NEDD4L: variants seen among roughly 807,000 people sequenced by gnomAD.
NEDD4L encodes the protein NEDD4 like E3 ubiquitin protein ligase.
In NEDD4L, 54 loss-of-function variants were observed where a neutral mutation model predicts 148.9. That is an observed-to-expected ratio of 0.36 (90% CI 0.29 to 0.45). The LOEUF is 0.45. NEDD4L is among the 20% of genes least tolerant of loss of function. The pLI, the probability that NEDD4L is intolerant of heterozygous loss-of-function variation, is 1.00. For synonymous variants in NEDD4L, 433 were observed against 440.7 expected, an observed-to-expected ratio of 0.98 and a Z score of 0.22; for missense variants, 856 against 1,233.8, an observed-to-expected ratio of 0.69 and a Z score of 4.59.
At chr18:58,199,271 C>T (rs534177300) in intron 2 of NEDD4L, among the ~76,000 whole-genome samples, 7 of 152,186 alleles carry the variant, frequency 4.6e-5, no homozygotes, top group South Asian at 2.1e-4. Context: ...TGCTTAAAGC[C>T]GGTGGTTCTC....
chr18:58,070,642 T>A (rs1420867195), intron 1 of NEDD4L, among the ~76,000 whole-genome samples: 1 of 152,076 alleles, frequency 6.6e-6, no homozygotes, highest in Non-Finnish European at 1.5e-5. Context: ...CAAGGAAGAC[T>A]AAGGTAGAAT....
At chr18:58,230,488 A>G (rs292445) in intron 2 of NEDD4L, among the ~76,000 whole-genome samples, 43,152 of 151,044 alleles carry the variant, frequency 0.29, 6,253 homozygotes, top group Middle Eastern at 0.36. Flanking sequence ...CACTATGTGA[A>G]ATGACCCTGT....
At chr18:58,377,073 C>T (rs1172472960) in intron 24 of NEDD4L, among the ~76,000 whole-genome samples, 1 of 152,196 alleles carries the variant, frequency 6.6e-6, no homozygotes, top group Admixed American at 6.5e-5. Context: ...GTGCCTGTCT[C>T]TCCTGCTCAG....
chr18:58,345,966 C>G (rs1244793111), intron 16 of NEDD4L, among the ~76,000 whole-genome samples: 1 of 148,544 alleles, frequency 6.7e-6, no homozygotes, highest in Non-Finnish European at 1.5e-5. Context: ...ACCATGTTGG[C>G]TAGGCTGGTC....
chr18:58,295,500 CTTAG>C (rs1180289208), intron 5 of NEDD4L, among the ~76,000 whole-genome samples: 1 of 152,170 alleles, frequency 6.6e-6, no homozygotes, highest in Non-Finnish European at 1.5e-5. Context: ...AATGCCACCG[CTTAG>C]TTAGTCATTC....
intron 2 of NEDD4L, among the ~76,000 whole-genome samples, chr18:58,232,906 C>T (rs1212799648): frequency 6.6e-6 from 1 of 152,112 alleles, no homozygotes; most frequent in Non-Finnish European, 1.5e-5. Context: ...TTTTGGACTG[C>T]AGGCTGAACG....
chr18:58,277,141 G>C (rs534489360), intron 5 of NEDD4L, among the ~76,000 whole-genome samples: 2 of 152,090 alleles, frequency 1.3e-5, no homozygotes, highest in African/African-American at 4.8e-5. Context: ...GGCTGTGGAC[G>C]GGGAATCCTG....
At chr18:58,322,178 A>G (rs188587880) in intron 6 of NEDD4L, among the ~76,000 whole-genome samples, 1 of 152,150 alleles carries the variant, frequency 6.6e-6, no homozygotes, top group East Asian at 1.9e-4. Flanking sequence ...TTTACTTGGC[A>G]ATGACAGCTG....
chr18:58,377,778 C>T (rs943337356), intron 24 of NEDD4L, among the ~76,000 whole-genome samples: 8 of 151,170 alleles, frequency 5.3e-5, no homozygotes, highest in Admixed American at 6.6e-5. Context: ...GAGTCTCGCT[C>T]TGTCACCCAG....
intron 1 of NEDD4L, among the ~76,000 whole-genome samples, chr18:58,075,147 G>A (rs2083093536): frequency 6.6e-6 from 1 of 152,200 alleles, no homozygotes; most frequent in Non-Finnish European, 1.5e-5. Context: ...CGTCGTAGTA[G>A]CAGAGACTTC....
At chr18:58,053,267 C>T (rs1416242768) in intron 1 of NEDD4L, among the ~76,000 whole-genome samples, 1 of 152,106 alleles carries the variant, frequency 6.6e-6, no homozygotes, top group African/African-American at 2.4e-5. Flanking sequence ...GTGACAAGGG[C>T]CTGATTTGCA....
At chr18:58,234,267 C>G (rs117009733) in intron 2 of NEDD4L, among the ~76,000 whole-genome samples, 3,871 of 128,640 alleles carry the variant, frequency 0.03, 84 homozygotes, top group Middle Eastern at 0.066. Flanking sequence ...TCCCTTCCTT[C>G]CTCCCTCCCT....
At chr18:58,259,574 G>T (rs900371698) in intron 5 of NEDD4L, among the ~76,000 whole-genome samples, 1 of 152,136 alleles carries the variant, frequency 6.6e-6, no homozygotes, top group East Asian at 1.9e-4. Context: ...CATTTTACAA[G>T]CTTGAGGAGC....
intron 1 of NEDD4L, among the ~76,000 whole-genome samples, chr18:58,049,873 A>G (rs1416547140): frequency 6.8e-6 from 1 of 146,340 alleles, no homozygotes; most frequent in East Asian, 2.2e-4. Flanking sequence ...GCTACTTGGG[A>G]GGCTGAGGTG....
intron 5 of NEDD4L, among the ~76,000 whole-genome samples, chr18:58,272,235 A>T (rs2051151858): frequency 6.6e-6 from 1 of 152,198 alleles, no homozygotes; most frequent in Admixed American, 6.5e-5. Flanking sequence ...ACAAATCCTT[A>T]CTGATAATGA....
At chr18:58,143,033 G>A (rs1199811085) in intron 1 of NEDD4L, among the ~76,000 whole-genome samples, 2 of 152,174 alleles carry the variant, frequency 1.3e-5, no homozygotes, top group Non-Finnish European at 2.9e-5. Context: ...GCAGACAGGT[G>A]CCTGCTGCAG....
chr18:58,190,189 T>C (rs1278000543), intron 2 of NEDD4L, among the ~76,000 whole-genome samples: 1 of 152,140 alleles, frequency 6.6e-6, no homozygotes, highest in Non-Finnish European at 1.5e-5. Context: ...ATGCCTGTTA[T>C]CTAGCAAACA....
Position 58,115,245 on chromosome 18 carries a change from CT to C in NEDD4L, c.49-50527del, listed in dbSNP as rs60541981. Among the ~76,000 whole-genome samples the C allele has an allele frequency of 2.5e-3, 318 of 129,474 alleles. 2 individuals carry two copies. The highest frequency in any genetic ancestry group is 5.5e-3 in the African/African-American group (188 of 34,226). 84.9% of individuals were successfully genotyped at this position (129,474 alleles called of 152,430 possible). A position where few individuals can be genotyped will look rare whatever the true frequency, so the allele number is the denominator to read the frequency against. On this transcript the variant is annotated intron_variant, in intron 1 of 30. Transcript: ENST00000400345. Reference sequence around the variant, plus strand: ...TCTTTTTTCTTTTCTTTCTTTCTTTCTTTTTTTTTTTTTTTTCTGGTTCTGG... The same window carrying C: ...TCTTTTTTCTTTTCTTTCTTTCTTTCTTTTTTTTTTTTTTTCTGGTTCTGG...
rs147148524 is a variant in NEDD4L, at chr18:58,311,706, T to TTTG, written c.298-4252_298-4250dup. ...CCTAAAGATAAGAGTCCCTGTGGTT[T>TTTG]TTGTTGTTGTTGTTGTTGTTGTTGT... is the stretch of plus-strand genomic sequence containing the variant. On this transcript the variant is annotated intron_variant, in intron 5 of 30. Coordinates refer to ENST00000400345, the MANE Select transcript of NEDD4L (RefSeq NM_001144967.3). 4.6e-3 allele frequency among the ~76,000 whole-genome samples: 706 copies of TTTG among 152,042 alleles called. 2 individuals carry two copies. Among genetic ancestry groups the TTTG allele is most frequent in the African/African-American group, 0.011 (457 of 41,476 alleles).
Sources: allele counts gnomAD v4.1 joint callset (sites outside exome capture counted in the v4.1 genomes callset), GRCh38; gene constraint gnomAD v4.1.1; transcripts MANE v1.5; gene names NCBI Gene and HGNC (gene_info 2026-07-23, HGNC 2026-07-21).